The following RNF13 variants were observed in gnomAD, a reference collection of about 807,000 sequenced individuals.
RNF13 encodes E3 ubiquitin-protein ligase RNF13.
Under a neutral mutation model 37.7 loss-of-function variants are expected in RNF13, and 19 were observed. The ratio of observed to expected loss-of-function variants is 0.50; its 90% CI spans 0.35 to 0.74. The LOEUF (loss-of-function observed/expected upper bound fraction) is 0.74. Ranked by LOEUF, RNF13 falls within the 30% of genes least tolerant of loss-of-function variation. The pLI is 0.01. For synonymous variants in RNF13, 144 were observed against 157.8 expected (o/e 0.91, Z 0.65); for missense variants, 375 against 453.0 (o/e 0.83, Z 1.56).
chr3:149,877,344 A>C (rs563272433), intron 4 of RNF13, among the ~76,000 whole-genome samples: 3 of 152,166 alleles, frequency 2.0e-5, no homozygotes, highest in Non-Finnish European at 4.4e-5. Flanking sequence ...CATTATTTCT[A>C]AGCCTAGATA....
In RNF13 at chr3:149,816,302, A is replaced by T. The variant is rs144688107; in HGVS notation, c.-17+2949A>T. On this transcript the variant is annotated intron_variant, in intron 1 of 9. Transcript: ENST00000392894. ...GGTGGAGTAGCTGGAATTTGATCAC[A>T]GGTATTCTGACTACAGAACGTCTGT... Among the ~76,000 whole-genome samples the T allele has an allele frequency of 1.3e-4, 20 of 152,236 alleles. No individual in the cohort carries two copies. The East Asian group carries it at 3.9e-3, about 29-fold the overall frequency.
At chr3:149,870,803 C>T (rs1711952776) in intron 3 of RNF13, among the ~76,000 whole-genome samples, 1 of 151,716 alleles carries the variant, frequency 6.6e-6, no homozygotes, top group South Asian at 2.1e-4. Context: ...CTTTCCATAT[C>T]ACAAGCTGAG....
At chr3:149,915,514 A>G (rs1416465852) in intron 7 of RNF13, among the ~76,000 whole-genome samples, 1 of 152,210 alleles carries the variant, frequency 6.6e-6, no homozygotes, top group Non-Finnish European at 1.5e-5. Flanking sequence ...ACCAAAAAGA[A>G]TTCAAAGCAA....
chr3:149,925,496 T>C (rs1224488333), intron 8 of RNF13, among the ~76,000 whole-genome samples: 2 of 152,222 alleles, frequency 1.3e-5, no homozygotes, highest in Non-Finnish European at 2.9e-5. Flanking sequence ...ATTTTTGAAT[T>C]GTATTTTTCT....
At chr3:149,822,077 T>G (rs1009694651) in intron 1 of RNF13, among the ~76,000 whole-genome samples, 5 of 152,202 alleles carry the variant, frequency 3.3e-5, no homozygotes, top group Non-Finnish European at 7.4e-5. Flanking sequence ...TTGGGAAATG[T>G]GAGTTCTCCA....
At chr3:149,899,071 G>A (rs1715553371) in intron 5 of RNF13, among the ~76,000 whole-genome samples, 1 of 152,142 alleles carries the variant, frequency 6.6e-6, no homozygotes, top group South Asian at 2.1e-4. Flanking sequence ...GGAGGGAGTG[G>A]GGGGATAAGG....
intron 8 of RNF13, 93 bp downstream of exon 8, chr3:149,921,320 A>T: frequency 2.9e-6 from 1 of 340,776 alleles, no homozygotes; most frequent in Non-Finnish European, 5.1e-6. Flanking sequence ...TTATTATTAT[A>T]CTTTAAGTTC....
intron 3 of RNF13, among the ~76,000 whole-genome samples, chr3:149,856,475 G>A (rs999132697): frequency 9.1e-5 from 13 of 142,708 alleles, no homozygotes; most frequent in African/African-American, 2.3e-4. Context: ...ACAGAGTCTC[G>A]CCCTATTGCC....
At chr3:149,818,070 A>G (rs1027614270) in intron 1 of RNF13, among the ~76,000 whole-genome samples, 1 of 152,212 alleles carries the variant, frequency 6.6e-6, no homozygotes, top group Admixed American at 6.5e-5. Context: ...TCAGTAAACC[A>G]ACAGAAAAAT....
At chr3:149,925,400 C>T (rs930610140) in intron 8 of RNF13, among the ~76,000 whole-genome samples, 2 of 152,194 alleles carry the variant, frequency 1.3e-5, no homozygotes, top group Non-Finnish European at 2.9e-5. Flanking sequence ...GAGGTAATCA[C>T]TATCCTGGTT....
Position 149,944,902 on chromosome 3 carries a change from G to A in RNF13, c.701-15154G>A, listed in dbSNP as rs536298965. Among the ~76,000 whole-genome samples the A allele has an allele frequency of 2.6e-4, 39 of 152,216 alleles. No homozygotes were observed. The East Asian group carries it at 6.2e-3, about 24-fold the overall frequency. Reference sequence around the variant, plus strand: ...CCTTGCCCATGCCTATGTCCTGAATGGTATTGCCTAGGTTTTCTTCTAGGG... The same window carrying A: ...CCTTGCCCATGCCTATGTCCTGAATAGTATTGCCTAGGTTTTCTTCTAGGG... On this transcript the variant is annotated intron_variant, in intron 8 of 9. Transcript: ENST00000392894.
At chr3:149,877,000 G>A (rs1318708485) in intron 4 of RNF13, among the ~76,000 whole-genome samples, 3 of 151,838 alleles carry the variant, frequency 2.0e-5, no homozygotes, top group African/African-American at 7.3e-5. Context: ...GGCTAGTCTT[G>A]AACTCCTGGC....
intron 3 of RNF13, among the ~76,000 whole-genome samples, chr3:149,858,640 A>G (rs973915684): frequency 2.0e-5 from 3 of 152,212 alleles, no homozygotes; most frequent in Non-Finnish European, 4.4e-5. Context: ...GTCAGGGTAT[A>G]TTCTTTATGT....
chr3:149,910,807 A>T (rs911108826), intron 6 of RNF13, among the ~76,000 whole-genome samples: 2 of 152,226 alleles, frequency 1.3e-5, no homozygotes, highest in African/African-American at 4.8e-5. Context: ...ACTGAACATT[A>T]TACAAACTCT....
At chr3:149,930,501 T>C (rs1214316944) in intron 8 of RNF13, among the ~76,000 whole-genome samples, 1 of 152,236 alleles carries the variant, frequency 6.6e-6, no homozygotes, top group Non-Finnish European at 1.5e-5. Flanking sequence ...TCTATGTTCA[T>C]GGTAGTTACT....
intron 8 of RNF13, among the ~76,000 whole-genome samples, chr3:149,924,733 A>G (rs561932869): frequency 5.5e-4 from 84 of 152,288 alleles, no homozygotes; most frequent in African/African-American, 2.0e-3. Flanking sequence ...TAGTTTTTGT[A>G]AGAAGTTTAA....
intron 9 of RNF13, among the ~76,000 whole-genome samples, chr3:149,960,460 G>A (rs748963667): frequency 2.0e-5 from 3 of 151,818 alleles, no homozygotes; most frequent in East Asian, 1.9e-4. Context: ...GTGTGGTGGC[G>A]GGCGCCTGTA....
intron 2 of RNF13, among the ~76,000 whole-genome samples, chr3:149,848,953 C>G (rs1393497726): frequency 2.6e-5 from 4 of 152,102 alleles, no homozygotes; most frequent in African/African-American, 9.7e-5. Flanking sequence ...TGCCTGGTGT[C>G]AGTTACACAG....
chr3:149,913,806 C>T (rs1443096805), intron 7 of RNF13, among the ~76,000 whole-genome samples: 1 of 152,156 alleles, frequency 6.6e-6, no homozygotes, highest in Non-Finnish European at 1.5e-5. Flanking sequence ...ATCTGTAGAA[C>T]ATCACTGATG....
Sources: gnomAD v4.1 joint callset for allele counts (sites outside exome capture counted in the v4.1 genomes callset) on GRCh38, gnomAD v4.1.1 for gene constraint, MANE v1.5 for transcripts, NCBI Gene and HGNC (gene_info 2026-07-23, HGNC 2026-07-21) for gene names.